OCA2: variants seen among roughly 807,000 people sequenced by gnomAD.
OCA2 encodes P protein.
In OCA2, 77 loss-of-function variants were observed where a neutral mutation model predicts 100.2. The ratio of observed to expected loss-of-function variants is 0.77; its 90% CI spans 0.64 to 0.93. The LOEUF is 0.93. Ranked by LOEUF, OCA2 falls within the 40% of genes least tolerant of loss-of-function variation. The pLI, the probability that OCA2 is intolerant of heterozygous loss-of-function variation, is 0.00. For synonymous variants in OCA2, 432 were observed against 439.2 expected (o/e 0.98, Z 0.21); for missense variants, 1,062 against 1,089.1 (o/e 0.98, Z 0.35).
At chr15:27,736,001 G>T in the OCA2 span, among the ~76,000 whole-genome samples, 5 of 152,142 alleles carry the variant, frequency 3.3e-5, no homozygotes, top group African/African-American at 1.2e-4. Context: ...CCACATAAAT[G>T]ATAACTATGT....
At chr15:27,727,029 C>A in the OCA2 span, among the ~76,000 whole-genome samples, 6 of 152,178 alleles carry the variant, frequency 3.9e-5, no homozygotes, top group Admixed American at 6.5e-5. Flanking sequence ...GCTTGTGATG[C>A]GAGTTATGTT....
At chr15:27,824,602 C>CTATATATATATATATATATATATA (rs142689690) in intron 23 of OCA2, among the ~76,000 whole-genome samples, 1 of 47,568 alleles carries the variant, frequency 2.1e-5, no homozygotes, top group African/African-American at 1.6e-4. Context: ...CTCTCTCTCT[C>CTATATATATATATATATATATATA]TATATATATA....
At position 27,927,784 on chromosome 15, in the gene OCA2, C is replaced by CTTTT. The variant is rs34037519; in HGVS notation, c.1952-1534_1952-1531dup. Among the ~76,000 whole-genome samples the CTTTT allele has an allele frequency of 1.8e-3, 125 of 69,328 alleles. 1 individual carries two copies. The highest frequency in any genetic ancestry group is 3.9e-3 in the African/African-American group (66 of 16,714). 45.5% of individuals were successfully genotyped at this position (69,328 alleles called of 152,430 possible). On this transcript the variant is annotated intron_variant, in intron 18 of 23. Coordinates refer to ENST00000354638, the MANE Select transcript of OCA2 (RefSeq NM_000275.3). ...TCTCATGACTAATGACTTTGAGCATCTTTTTTTTTTTTTTTTTTTTTTTTT... is the reference window on the plus strand; with the variant it reads ...TCTCATGACTAATGACTTTGAGCATCTTTTTTTTTTTTTTTTTTTTTTTTTTTTT...
chr15:28,015,062 G>T, intron 8 of OCA2, 133 bp from the exon 9 acceptor site: 1 of 975,772 alleles, frequency 1.0e-6, no homozygotes, highest in Non-Finnish European at 1.6e-6. Flanking sequence ...AGCTGGAAGA[G>T]CAGTGAGCAC....
At chr15:27,937,857 G>A (rs749080254) in intron 18 of OCA2, among the ~76,000 whole-genome samples, 2 of 152,076 alleles carry the variant, frequency 1.3e-5, no homozygotes, top group African/African-American at 2.4e-5. Flanking sequence ...TTTTCACTCT[G>A]TGGCTTCTTG....
intron 1 of OCA2, among the ~76,000 whole-genome samples, chr15:28,082,176 C>T (rs1469921379): frequency 2.0e-5 from 3 of 152,142 alleles, no homozygotes; most frequent in South Asian, 2.1e-4. Flanking sequence ...CACCAATCAG[C>T]AATCTATAAA....
At chr15:28,088,030 C>G (rs2044807725) in intron 1 of OCA2, among the ~76,000 whole-genome samples, 1 of 151,972 alleles carries the variant, frequency 6.6e-6, no homozygotes, top group African/African-American at 2.4e-5. Context: ...CCATTGCACT[C>G]CAGCCTGGGC....
At chr15:27,857,298 G>C (rs914358017) in intron 21 of OCA2, among the ~76,000 whole-genome samples, 5 of 152,188 alleles carry the variant, frequency 3.3e-5, no homozygotes, top group Admixed American at 6.5e-5. Context: ...GCCGAAGAAA[G>C]GATCAGTGAA....
chr15:27,997,076 G>GAA (rs2041757204), intron 9 of OCA2, among the ~76,000 whole-genome samples: 1 of 69,694 alleles, frequency 1.4e-5, no homozygotes. Context: ...AAGGAAGGGA[G>GAA]AAAGAGAGAG....
intron 6 of OCA2, among the ~76,000 whole-genome samples, chr15:28,020,022 C>G (rs577676325): frequency 6.6e-6 from 1 of 152,202 alleles, no homozygotes; most frequent in Non-Finnish European, 1.5e-5. Flanking sequence ...ACGCAGCACC[C>G]GTCTTCCCCC....
chr15:27,896,911 C>T (rs549477092), intron 19 of OCA2, among the ~76,000 whole-genome samples: 5 of 152,246 alleles, frequency 3.3e-5, no homozygotes, highest in Admixed American at 2.0e-4. Flanking sequence ...TCTTGGCAGG[C>T]CAGGCGCAGT....
At chr15:27,990,432 A>T in intron 10 of OCA2, 144 bp downstream of exon 10, 1 of 807,142 alleles carries the variant, frequency 1.2e-6, no homozygotes, top group Non-Finnish European at 2.2e-6. Flanking sequence ...TTGTTAGTTC[A>T]TACCTCTAGC....
At chr15:27,765,580 A>C (rs2031194312) in intron 23 of OCA2, among the ~76,000 whole-genome samples, 1 of 152,254 alleles carries the variant, frequency 6.6e-6, no homozygotes, top group Non-Finnish European at 1.5e-5. Flanking sequence ...TTTAGATGAA[A>C]GAATCACACT....
At chr15:27,917,086 A>C (rs2038693112) in intron 19 of OCA2, among the ~76,000 whole-genome samples, 1 of 152,106 alleles carries the variant, frequency 6.6e-6, no homozygotes, top group African/African-American at 2.4e-5. Context: ...TGGGGCCCAG[A>C]GAGTTTGCCT....
In OCA2 at chr15:27,757,310, T is replaced by C. The variant is rs186743920; in HGVS notation, c.2433-1838A>G. On this transcript the variant is annotated intron_variant, in intron 23 of 23. Transcript: ENST00000354638. ...AAATCATAACAATGGCAACCTGCCA[T>C]TAGTAGGTAAATGACTTACTGAATA... 7.2e-4 allele frequency among the ~76,000 whole-genome samples: 109 copies of C among 152,360 alleles called. 1 individual carries two copies. Among genetic ancestry groups the C allele is most frequent in the South Asian group, 1.2e-3 (6 of 4,830 alleles).
At chr15:27,860,935 T>A (rs923987671) in intron 21 of OCA2, among the ~76,000 whole-genome samples, 2 of 152,162 alleles carry the variant, frequency 1.3e-5, no homozygotes, top group Admixed American at 1.3e-4. Flanking sequence ...CTAGGAGAGG[T>A]GCAAGCCATC....
chr15:28,044,979 C>A lies in OCA2; in HGVS notation c.228-12816G>T, dbSNP rs566437797. ...GTAGCATATAGTTCAATTTTTATTT[C>A]TTTCCCAATATGACAATGTCTACCT... On this transcript the variant is annotated intron_variant, in intron 2 of 23. Transcript: ENST00000354638. Among the ~76,000 whole-genome samples the A allele has an allele frequency of 5.3e-4, 80 of 152,066 alleles. 1 individual carries two copies. The highest frequency in any genetic ancestry group is 1.9e-3 in the African/African-American group (77 of 41,490).
the OCA2 span, among the ~76,000 whole-genome samples, chr15:27,737,112 C>T: frequency 6.6e-6 from 1 of 152,148 alleles, no homozygotes; most frequent in Non-Finnish European, 1.5e-5. Context: ...CCTCAAAGAA[C>T]ATCAAGTTAT....
intron 8 of OCA2, among the ~76,000 whole-genome samples, chr15:28,015,377 C>T (rs1263878572): frequency 6.6e-6 from 1 of 152,198 alleles, no homozygotes; most frequent in African/African-American, 2.4e-5. Context: ...TTTTCAAGTT[C>T]AGGCCAATAT....
Sources: allele counts gnomAD v4.1 joint callset (sites outside exome capture counted in the v4.1 genomes callset), GRCh38; gene constraint gnomAD v4.1.1; transcripts MANE v1.5; gene names NCBI Gene and HGNC (gene_info 2026-07-23, HGNC 2026-07-21).